Variants in SMIM14 observed in about 807,000 individuals in gnomAD.
The protein encoded by SMIM14 is chromosome 4 open reading frame 34.
SMIM14 carries 5 observed loss-of-function variants against 12.6 expected under a neutral mutation model. The ratio of observed to expected loss-of-function variants is 0.40; its 90% confidence interval spans 0.21 to 0.83. SMIM14 has a LOEUF of 0.83. SMIM14 is among the 40% of genes least tolerant of loss of function. The pLI, the probability that SMIM14 is intolerant of heterozygous loss-of-function variation, is 0.37. For missense variants in SMIM14, 86 were observed against 119.1 expected (o/e 0.72, Z 1.29); for synonymous variants, 30 against 40.1 (o/e 0.75, Z 0.95).
intron 2 of SMIM14, among the ~76,000 whole-genome samples, chr4:39,603,491 G>A (rs769253648): frequency 2.3e-4 from 35 of 151,984 alleles, no homozygotes; most frequent in African/African-American, 5.8e-4. Context: ...CCTGGGAGGC[G>A]GAGCTTGCAA....
rs528755651 is a variant in SMIM14 at position 39,575,070 on chromosome 4, G to A, written c.76-2607C>T. Among the ~76,000 whole-genome samples, 10 of 146,826 alleles carry A rather than the reference G, an allele frequency of 6.8e-5. No homozygotes were observed. In the East Asian group the frequency reaches 1.6e-3, roughly 24 times the overall value. ...AAACTAGTCTTGTTTTAATAAGAAC[G>A]AGAAAATAGTTTTTTTTTTTTTTTT... On this transcript the variant is annotated intron_variant, in intron 2 of 4. Coordinates refer to ENST00000295958, the MANE Select transcript of SMIM14 (RefSeq NM_174921.3).
chr4:39,603,944 G>A (rs961957445), intron 2 of SMIM14, among the ~76,000 whole-genome samples: 2 of 151,692 alleles, frequency 1.3e-5, no homozygotes, highest in Non-Finnish European at 2.9e-5. Flanking sequence ...CCAGGAGGTG[G>A]AGGTTGCAGT....
intron 2 of SMIM14, among the ~76,000 whole-genome samples, chr4:39,597,240 T>C (rs1324319441): frequency 2.0e-5 from 3 of 151,946 alleles, no homozygotes; most frequent in Non-Finnish European, 4.4e-5. Flanking sequence ...AATGTCCTAC[T>C]AGACACTCAC....
chr4:39,630,210 C>T (rs1053341554), intron 1 of SMIM14, among the ~76,000 whole-genome samples: 7 of 151,954 alleles, frequency 4.6e-5, no homozygotes, highest in African/African-American at 1.5e-4. Flanking sequence ...ACCAGCCTGC[C>T]AAGGTGGTGA....
intron 2 of SMIM14, among the ~76,000 whole-genome samples, chr4:39,583,594 C>T (rs1713627487): frequency 6.6e-6 from 1 of 152,054 alleles, no homozygotes; most frequent in South Asian, 2.1e-4. Flanking sequence ...TAATGTGGCT[C>T]CCTATTGTTC....
chr4:39,616,100 C>T (rs1220231329), intron 1 of SMIM14, among the ~76,000 whole-genome samples: 1 of 152,178 alleles, frequency 6.6e-6, no homozygotes, highest in Admixed American at 6.6e-5. Context: ...AAGGAAGGGA[C>T]ATCCCTGAAA....
intron 1 of SMIM14, among the ~76,000 whole-genome samples, chr4:39,619,871 TA>T (rs1443282356): frequency 3.6e-5 from 3 of 83,254 alleles, no homozygotes; most frequent in African/African-American, 5.1e-5. Flanking sequence ...TATATATATA[TA>T]TATATTTTTT....
intron 1 of SMIM14, among the ~76,000 whole-genome samples, chr4:39,605,788 T>C (rs1485534620): frequency 6.6e-6 from 1 of 152,212 alleles, no homozygotes; most frequent in African/African-American, 2.4e-5. Flanking sequence ...TCGCCCAGGC[T>C]GGAGTGCAGT....
rs1176271298 is a variant in SMIM14, at chr4:39,549,290, G to C, written c.*2836C>G. 6.6e-6 allele frequency: 1 copy of C among 152,034 alleles called. No individual in the cohort carries two copies. Among genetic ancestry groups the C allele is most frequent in the Non-Finnish European group, 1.5e-5 (1 of 68,114 alleles). 9.4% of individuals were successfully genotyped at this position (152,034 alleles called of 1,614,324 possible). On this transcript the variant is annotated 3_prime_UTR_variant, in exon 5 of 5. Coordinates refer to ENST00000295958, the MANE Select transcript of SMIM14 (RefSeq NM_174921.3). ...ATTTCATCCAATAAAGCCTTCTAAA[G>C]CCTTTTTTTTTTGAGACAGGGTCTC...
intron 1 of SMIM14, among the ~76,000 whole-genome samples, chr4:39,628,586 G>A (rs187602494): frequency 6.6e-6 from 1 of 151,882 alleles, no homozygotes; most frequent in East Asian, 2.0e-4. Flanking sequence ...GGAGGCTGAG[G>A]CAGGAGAATC....
At chr4:39,638,456 A>C in intron 1 of SMIM14, 1 of 985,400 alleles carries the variant, frequency 1.0e-6, no homozygotes, top group Non-Finnish European at 1.2e-6. Flanking sequence ...CCTAAAAATA[A>C]AACCACCCGT....
intron 1 of SMIM14, among the ~76,000 whole-genome samples, chr4:39,623,839 G>C (rs1380320231): frequency 6.6e-6 from 1 of 152,102 alleles, no homozygotes; most frequent in East Asian, 1.9e-4. Flanking sequence ...TCCAGCTTGG[G>C]TGACAGAGCA....
rs1345576895 is a variant in SMIM14 at position 39,546,806 on chromosome 4, G to A, written c.*5320C>T. ...CTGAAGTTATTACATAAACACTGAC[G>A]TCAAAATCATGCCAGAGCAGTGTTA... On this transcript the variant is annotated 3_prime_UTR_variant, in exon 5 of 5. Coordinates refer to ENST00000295958, the MANE Select transcript of SMIM14 (RefSeq NM_174921.3). 6.6e-6 allele frequency: 1 copy of A among 152,104 alleles called. No individual in the cohort carries two copies. The highest frequency in any genetic ancestry group is 1.5e-5 in the Non-Finnish European group (1 of 68,024). The allele number at this position is 152,104 out of a possible 1,614,324, so 9.4% of individuals were successfully genotyped here.
rs577179094 is a variant in SMIM14, at chr4:39,603,808, T to C, written c.75+1263A>G. 2.1e-4 allele frequency among the ~76,000 whole-genome samples: 32 copies of C among 151,894 alleles called. No individual in the cohort carries two copies. The East Asian group carries it at 6.0e-3, about 29-fold the overall frequency. On this transcript the variant is annotated intron_variant, in intron 2 of 4. Transcript: ENST00000295958. ...GGCAGATCACCTGAGGTCAGGAGTTTGAGACCAGCCTGACCAACAAGGTGA... is the reference window on the plus strand; with the variant it reads ...GGCAGATCACCTGAGGTCAGGAGTTCGAGACCAGCCTGACCAACAAGGTGA...
chr4:39,619,495 TAATTTATTCTATATCAATAAATATAA>T (rs1715364789), intron 1 of SMIM14, among the ~76,000 whole-genome samples: 1 of 87,922 alleles, frequency 1.1e-5, no homozygotes, highest in Non-Finnish European at 1.9e-5. Context: ...TCAATAAATA[TAATTTATTCTATATCAATAAATATAA>T]TTTATTCTAT....
At position 39,548,313 on chromosome 4, in the gene SMIM14, CTAT is replaced by C. The variant is rs1747425702; in HGVS notation, c.*3810_*3812del. Reference sequence around the variant, plus strand: ...ACAAATGCAACAAAACAACCTCCCACTATTATTGTGCATAAAAACACATTAAAT... The same window carrying C: ...ACAAATGCAACAAAACAACCTCCCACTATTGTGCATAAAAACACATTAAAT... On this transcript the variant is annotated 3_prime_UTR_variant, in exon 5 of 5. Coordinates refer to ENST00000295958, the MANE Select transcript of SMIM14 (RefSeq NM_174921.3). 2 of 152,146 alleles carry C rather than the reference CTAT, an allele frequency of 1.3e-5. No individual in the cohort carries two copies. The highest frequency in any genetic ancestry group is 1.5e-5 in the Non-Finnish European group (1 of 68,042). 9.4% of individuals were successfully genotyped at this position (152,146 alleles called of 1,614,324 possible).
chr4:39,579,545 A>G (rs1713385860), intron 2 of SMIM14, among the ~76,000 whole-genome samples: 1 of 152,130 alleles, frequency 6.6e-6, no homozygotes, highest in Admixed American at 6.6e-5. Context: ...TAGAAAGCCT[A>G]TTAGAAAGCC....
At chr4:39,633,518 C>A (rs1715984383) in intron 1 of SMIM14, among the ~76,000 whole-genome samples, 1 of 152,112 alleles carries the variant, frequency 6.6e-6, no homozygotes, top group East Asian at 1.9e-4. Context: ...TGCCTGTAAT[C>A]CCAGCACTTT....
chr4:39,570,326 A>T lies in SMIM14; in HGVS notation c.124+2089T>A, dbSNP rs140812693. 2.3e-3 allele frequency among the ~76,000 whole-genome samples: 355 copies of T among 151,876 alleles called. 1 individual carries two copies. Among genetic ancestry groups the T allele is most frequent in the African/African-American group, 8.3e-3 (343 of 41,444 alleles). Reference sequence around the variant, plus strand: ...CAGGCACGTGCCACCACGCCCAGCTAATTTTTGTATTTTTAGTAGAGACAG... The same window carrying T: ...CAGGCACGTGCCACCACGCCCAGCTTATTTTTGTATTTTTAGTAGAGACAG... On this transcript the variant is annotated intron_variant, in intron 3 of 4. Transcript: ENST00000295958.
Sources: allele counts gnomAD v4.1 joint callset (sites outside exome capture counted in the v4.1 genomes callset), GRCh38; gene constraint gnomAD v4.1.1; transcripts MANE v1.5; gene names NCBI Gene and HGNC (gene_info 2026-07-23, HGNC 2026-07-21).